The following AFF4 variants were observed in gnomAD, a reference collection of about 807,000 sequenced individuals.
The protein encoded by AFF4 is AF4/FMR2 family member 4.
AFF4 carries 13 observed loss-of-function variants against 124.8 expected under a neutral mutation model. The ratio of observed to expected loss-of-function variants is 0.10; its 90% CI spans 0.07 to 0.17. The LOEUF is 0.17. Ranked by LOEUF, AFF4 falls within the 10% of genes least tolerant of loss-of-function variation. The probability of loss-of-function intolerance (pLI) is 1.00; values close to 1 mark genes in which losing one functional copy is unlikely to be tolerated. For missense variants in AFF4, 1,092 were observed against 1,403.8 expected (o/e 0.78, Z 3.55); for synonymous variants, 477 against 496.1 (o/e 0.96, Z 0.51).
At position 132,886,268 on chromosome 5, in the gene AFF4, T is replaced by G. The variant is rs555727533; in HGVS notation, c.3099+42A>C. On this transcript the variant is annotated intron_variant, in intron 18 of 20. Coordinates refer to ENST00000265343, the MANE Select transcript of AFF4 (RefSeq NM_014423.4). Reference sequence around the variant, plus strand: ...CAGATGGGGATGGGAGACTACAAATTCTGTCTCCTAGGAAACGGACCTTGT... The same window carrying G: ...CAGATGGGGATGGGAGACTACAAATGCTGTCTCCTAGGAAACGGACCTTGT... 4 of 1,564,704 alleles carry G rather than the reference T, an allele frequency of 2.6e-6. No homozygotes were observed. The African/African-American group carries it at 5.4e-5, about 21-fold the overall frequency.
rs1466699134 is a variant in AFF4, at chr5:132,896,894, C to A, written c.1736G>T (p.Arg579Leu). The change falls in exon 11 of 21, where the codon CGT (arginine) becomes CTT (leucine). Residue 579 changes from arginine to leucine, a missense_variant. Physicochemically the swap from Arg to Leu is moderately radical, Grantham distance 102. Around this residue, in one of 11 missense-constraint regions of AFF4, gnomAD observed 174 missense variants for 205.9 expected, o/e 0.84. Coordinates refer to ENST00000265343, the MANE Select transcript of AFF4 (RefSeq NM_014423.4). ...KAEKAAAEEP[R>L]GGLKIESETP... ...TTCACTTTCTATCTTCAGGCCTCCA[C>A]GAGGCTCTTCAGCAGCTGCCTTCTC... 1.2e-6 allele frequency: 2 copies of A among 1,614,114 alleles called. No individual in the cohort carries two copies. The highest frequency in any genetic ancestry group is 2.2e-5 in the East Asian group (1 of 44,880).
rs879893580 is a variant in AFF4 at position 132,963,565 on chromosome 5, C to G, written c.-311G>C. On this transcript the variant is annotated 5_prime_UTR_variant, in exon 1 of 21. Coordinates refer to ENST00000265343, the MANE Select transcript of AFF4 (RefSeq NM_014423.4). ...GGGCGGGTTAACGAAGACCTGGCAC[C>G]AGGATCCCCGCCCCGTCCGCTGGCG... 3.7e-4 allele frequency: 146 copies of G among 398,022 alleles called. No individual in the cohort carries two copies. The highest frequency in any genetic ancestry group is 5.8e-4 in the Non-Finnish European group (131 of 225,808). 24.7% of individuals were successfully genotyped at this position (398,022 alleles called of 1,614,324 possible). A position where few individuals can be genotyped will look rare whatever the true frequency, so the allele number is the denominator to read the frequency against.
intron 2 of AFF4, among the ~76,000 whole-genome samples, chr5:132,935,659 T>C (rs1761407687): frequency 6.6e-6 from 1 of 151,556 alleles, no homozygotes; most frequent in Non-Finnish European, 1.5e-5. Flanking sequence ...TAATCCCAGC[T>C]ACTCAGGAGG....
At chr5:132,885,488 G>C (rs950212749) in intron 18 of AFF4, among the ~76,000 whole-genome samples, 3 of 149,956 alleles carry the variant, frequency 2.0e-5, no homozygotes, top group Non-Finnish European at 4.4e-5. Flanking sequence ...TGGGTGGGTG[G>C]GGAGAGGGGA....
At position 132,911,847 on chromosome 5, in the gene AFF4, C is replaced by CA. The variant is rs549644890; in HGVS notation, c.1051-7444dup. On this transcript the variant is annotated intron_variant, in intron 5 of 20. Transcript: ENST00000265343. ...GATTAAAAAAAAACTTAAAGACCGC[C>CA]AAAAAAAAAAAAGGACATTTTACAT... Among the ~76,000 whole-genome samples the CA allele has an allele frequency of 6.1e-3, 714 of 117,384 alleles. 2 individuals are homozygous for CA. Among genetic ancestry groups the CA allele is most frequent in the Middle Eastern group, 0.017 (4 of 236 alleles). The allele number at this position is 117,384 out of a possible 152,430, so 77.0% of individuals were successfully genotyped here.
Position 132,879,961 on chromosome 5 carries a change from T to G in AFF4, c.*1098A>C. 1.1e-5 allele frequency: 4 copies of G among 356,420 alleles called. No individual in the cohort carries two copies. The highest frequency in any genetic ancestry group is 2.0e-5 in the Non-Finnish European group (4 of 198,824). 22.1% of individuals were successfully genotyped at this position (356,420 alleles called of 1,614,324 possible). The stretch of plus-strand genomic sequence containing the variant: ...TCATCTCTACATCAGGCATTAGAAC[T>G]GTAAGCTGTATAGCAAAAGCACACA... On this transcript the variant is annotated 3_prime_UTR_variant, in exon 21 of 21. Coordinates refer to ENST00000265343, the MANE Select transcript of AFF4 (RefSeq NM_014423.4).
At chr5:132,894,525 T>C (rs1156688408) in intron 11 of AFF4, among the ~76,000 whole-genome samples, 3 of 152,228 alleles carry the variant, frequency 2.0e-5, no homozygotes, top group African/African-American at 7.2e-5. Context: ...TGTTCCCCTA[T>C]ACAAATGAAT....
In AFF4 at chr5:132,896,333, C is replaced by T. The variant is rs779634178; in HGVS notation, c.2297G>A (p.Arg766Lys). ...AAACCCTTCACAAACCTTATGCTTC[C>T]TCTTGCCTTTGTTGGAAACTTTTTC... ...ASEKVSNKGK[R>K]KHKNEDDNRA... Residue 766 changes from arginine (R) to lysine (K), a missense_variant, in exon 11 of 21, where the codon AGG (arginine) becomes AAG (lysine). Physicochemically the swap from Arg to Lys is conservative, Grantham distance 26 (BLOSUM62 2). This residue lies in a region of AFF4 where 293 missense variants were observed against 280.2 expected (regional missense o/e 1.05). Coordinates refer to ENST00000265343, the MANE Select transcript of AFF4 (RefSeq NM_014423.4). 6.3e-7 allele frequency: 1 copy of T among 1,591,908 alleles called. No homozygotes were observed. Among genetic ancestry groups the T allele is most frequent in the Non-Finnish European group, 8.5e-7 (1 of 1,173,726 alleles).
Position 132,878,961 on chromosome 5 carries a change from C to T in AFF4, c.*2098G>A, listed in dbSNP as rs1042301798. ...CCAAGTCAGAAAAATCAGAGAAGGA[C>T]AAGACATAACATGTATTTGATTAAC... is the stretch of plus-strand genomic sequence containing the variant. On this transcript the variant is annotated 3_prime_UTR_variant, in exon 21 of 21. Coordinates refer to ENST00000265343, the MANE Select transcript of AFF4 (RefSeq NM_014423.4). 10 of 221,492 alleles carry T rather than the reference C, an allele frequency of 4.5e-5. No homozygotes were observed. Among genetic ancestry groups the T allele is most frequent in the South Asian group, 1.8e-4 (1 of 5,458 alleles). The allele number at this position is 221,492 out of a possible 1,614,324, so 13.7% of individuals were successfully genotyped here. A position where few individuals can be genotyped will look rare whatever the true frequency, so the allele number is the denominator to read the frequency against.
Position 132,892,178 on chromosome 5 carries a change from A to C in AFF4, c.2623T>G (p.Ser875Ala), listed in dbSNP as rs1005226688. The stretch of plus-strand genomic sequence containing the variant: ...CAACACTTTACCTTAACCTCCTTGG[A>C]GCTACTGGAAGTCTTCCCTTCGGTC... ...KKTEGKTSSS[S>A]KEVKEKAPSS... Residue 875 changes from serine to alanine, a missense_variant, in exon 13 of 21, where the codon TCC (serine) becomes GCC (alanine). By Grantham distance (99) the Ser-to-Ala change is moderately conservative. Transcript: ENST00000265343. 10 of 1,613,980 alleles carry C rather than the reference A, an allele frequency of 6.2e-6. No individual in the cohort carries two copies. Among genetic ancestry groups the C allele is most frequent in the Admixed American group, 1.7e-5 (1 of 59,996 alleles).
intron 5 of AFF4, among the ~76,000 whole-genome samples, chr5:132,914,209 C>T (rs1393050460): frequency 6.6e-6 from 1 of 151,430 alleles, no homozygotes; most frequent in Non-Finnish European, 1.5e-5. Flanking sequence ...GCCTGGGCAA[C>T]GGAGCAAGAC....
At chr5:132,928,671 G>C (rs1044212025) in intron 4 of AFF4, among the ~76,000 whole-genome samples, 2 of 152,022 alleles carry the variant, frequency 1.3e-5, no homozygotes, top group African/African-American at 4.8e-5. Context: ...CTATAAAATA[G>C]AACACCAGAC....
At chr5:132,888,020 A>G (rs1321055985) in intron 15 of AFF4, 38 bp from the exon 16 acceptor site, 2 of 1,610,258 alleles carry the variant, frequency 1.2e-6, no homozygotes, top group East Asian at 2.2e-5. Context: ...GTAATGATCT[A>G]CTATGGCTAC....
chr5:132,941,900 AGGAG>A (rs1761577729), intron 1 of AFF4, among the ~76,000 whole-genome samples: 1 of 151,654 alleles, frequency 6.6e-6, no homozygotes, highest in African/African-American at 2.4e-5. Flanking sequence ...CCAGCTACTT[AGGAG>A]GCTGAGGCAG....
intron 1 of AFF4, among the ~76,000 whole-genome samples, chr5:132,959,392 T>C (rs1762031031): frequency 6.6e-6 from 1 of 152,126 alleles, no homozygotes; most frequent in Non-Finnish European, 1.5e-5. Context: ...AGTGCTGGGA[T>C]TACAGGCATG....
intron 1 of AFF4, 52 bp downstream of exon 1, chr5:132,963,207 A>G (rs898549375): frequency 3.4e-5 from 13 of 383,552 alleles, no homozygotes; most frequent in Admixed American, 1.4e-4. Flanking sequence ...GGCCCCGGCC[A>G]CAACCCCCGC....
intron 5 of AFF4, among the ~76,000 whole-genome samples, chr5:132,913,908 C>T (rs1279379633): frequency 6.6e-6 from 1 of 152,072 alleles, no homozygotes; most frequent in Non-Finnish European, 1.5e-5. Context: ...TATTTGGGAA[C>T]CAACACAGTT....
chr5:132,886,107 G>A (rs538661902), intron 18 of AFF4, among the ~76,000 whole-genome samples: 4 of 152,178 alleles, frequency 2.6e-5, no homozygotes, highest in East Asian at 1.9e-4. Context: ...AAATACAGCC[G>A]CTGCACATGG....
chr5:132,894,649 A>G (rs1315652388), intron 11 of AFF4, among the ~76,000 whole-genome samples: 2 of 152,194 alleles, frequency 1.3e-5, no homozygotes, highest in Non-Finnish European at 2.9e-5. Flanking sequence ...TTGACACTTT[A>G]TATTTTAAAT....
Sources: allele counts gnomAD v4.1 joint callset (sites outside exome capture counted in the v4.1 genomes callset), GRCh38; gene constraint gnomAD v4.1.1; regional missense constraint gnomAD v4.1.1; transcripts MANE v1.5; gene names NCBI Gene and HGNC (gene_info 2026-07-23, HGNC 2026-07-21).